SYCP1: variants seen among roughly 807,000 people sequenced by gnomAD.
The protein encoded by SYCP1 is synaptonemal complex protein 1.
Under a neutral mutation model 153.1 loss-of-function variants are expected in SYCP1, and 64 were observed. That is an observed-to-expected ratio of 0.42 (90% CI 0.34 to 0.51). The LOEUF (loss-of-function observed/expected upper bound fraction) is 0.51, where lower values mean the gene tolerates loss of function less well. Ranked by LOEUF, SYCP1 falls within the 20% of genes least tolerant of loss-of-function variation. The pLI, the probability that SYCP1 is intolerant of heterozygous loss-of-function variation, is 0.06. For missense variants in SYCP1, 997 were observed against 1,049.0 expected, an observed-to-expected ratio of 0.95 and a Z score of 0.68; for synonymous variants, 384 against 341.8, an observed-to-expected ratio of 1.12 and a Z score of -1.36.
At chr1:114,854,694 A>G (rs1663811833), upstream of SYCP1, 2 of 152,196 alleles carry the variant, frequency 1.3e-5, no homozygotes, top group South Asian at 2.1e-4. Flanking sequence ...CAGTTTCCCT[A>G]GCATTCTTTG....
intron 27 of SYCP1, among the ~76,000 whole-genome samples, chr1:114,969,442 A>G (rs1672338413): frequency 6.6e-6 from 1 of 152,122 alleles, no homozygotes; most frequent in Non-Finnish European, 1.5e-5. Context: ...TACACTGTGA[A>G]GGGAAAACCG....
intron 23 of SYCP1, among the ~76,000 whole-genome samples, chr1:114,934,717 A>C (rs889191293): frequency 6.6e-6 from 1 of 152,182 alleles, no homozygotes; most frequent in African/African-American, 2.4e-5. Flanking sequence ...AGAAAGATCT[A>C]CCAAGCAAAT....
At chr1:114,883,912 C>T (rs953529311) in intron 12 of SYCP1, among the ~76,000 whole-genome samples, 7 of 152,056 alleles carry the variant, frequency 4.6e-5, no homozygotes, top group Admixed American at 1.3e-4. Flanking sequence ...AGGATGGTCT[C>T]GAACTCCTGA....
chr1:114,973,409 A>G (rs1365458445), intron 27 of SYCP1, among the ~76,000 whole-genome samples: 2 of 152,010 alleles, frequency 1.3e-5, no homozygotes, highest in African/African-American at 4.8e-5. Flanking sequence ...TGCATTTTCT[A>G]GGCATCTTTT....
intron 23 of SYCP1, among the ~76,000 whole-genome samples, chr1:114,943,760 C>T (rs1165102291): frequency 6.6e-6 from 1 of 151,634 alleles, no homozygotes; most frequent in Non-Finnish European, 1.5e-5. Context: ...TACCCATAAC[C>T]CTCTTCCCAA....
chr1:114,956,658 T>G lies in SYCP1; in HGVS notation c.2322+9338T>G, dbSNP rs190220053. ...CTGAACTCAGGTCCCTGGTCAGCAT[T>G]CCCATACAGCTCTAGTACCCTCCTT... On this transcript the variant is annotated intron_variant, in intron 27 of 31. Coordinates refer to ENST00000369522, the MANE Select transcript of SYCP1 (RefSeq NM_003176.4). 2.6e-4 allele frequency among the ~76,000 whole-genome samples: 39 copies of G among 152,228 alleles called. No homozygotes were observed. The East Asian group carries it at 7.0e-3, about 27-fold the overall frequency.
rs1350624396 is a variant in SYCP1 at position 114,926,358 on chromosome 1, ATATT to A, written c.1863+19_1863+22del. ...AGCAGGAGGTATGTATTTTTTATAA[ATATT>A]CTCAAAATCAAACTGATATTTTCAC... is the stretch of plus-strand genomic sequence containing the variant. On this transcript the variant is annotated intron_variant, in intron 22 of 31. Transcript: ENST00000369522. 1 of 1,524,864 alleles carries A rather than the reference ATATT, an allele frequency of 6.6e-7. No homozygotes were observed. The highest frequency in any genetic ancestry group is 8.8e-7 in the Non-Finnish European group (1 of 1,134,902). The allele number at this position is 1,524,864 out of a possible 1,614,324, so 94.5% of individuals were successfully genotyped here.
chr1:114,922,235 T>G (rs1668941872), intron 20 of SYCP1, among the ~76,000 whole-genome samples: 1 of 152,164 alleles, frequency 6.6e-6, no homozygotes, highest in South Asian at 2.1e-4. Context: ...TATCTCTGTC[T>G]CTACCTCCTC....
Position 114,977,565 on chromosome 1 carries a change from C to G in SYCP1, c.2331C>G (p.Leu777=). The G allele has an allele frequency of 3.4e-6, 5 of 1,474,946 alleles. No individual in the cohort carries two copies. Among genetic ancestry groups the G allele is most frequent in the Non-Finnish European group, 2.7e-6 (3 of 1,102,536 alleles). The allele number at this position is 1,474,946 out of a possible 1,614,324, so 91.4% of individuals were successfully genotyped here. The change falls in exon 28 of 32, where the codon CTC becomes CTG. Residue 777 remains leucine (L), a synonymous_variant. Transcript: ENST00000369522. ...LEIEREEKEK[L]KREAKENTAT... is the part of the protein sequence containing the mutation. ...ATATTTATTTTTAATAGGAAAAACT[C>G]AAAAGAGAGGCAAAAGAAAACACAG...
chr1:114,926,162 C>A, intron 21 of SYCP1, 116 bp from the exon 22 acceptor site: 3 of 695,588 alleles, frequency 4.3e-6, no homozygotes, highest in East Asian at 4.2e-5. Flanking sequence ...AATGGAATTA[C>A]CATGATTTTG....
At position 114,977,628 on chromosome 1, in the gene SYCP1, T is replaced by G; in HGVS notation, c.2382+12T>G. 1 of 1,458,512 alleles carries G rather than the reference T, an allele frequency of 6.9e-7. No homozygotes were observed. The highest frequency in any genetic ancestry group is 9.2e-7 in the Non-Finnish European group (1 of 1,084,998). 90.3% of individuals were successfully genotyped at this position (1,458,512 alleles called of 1,614,324 possible). On this transcript the variant is annotated intron_variant, in intron 28 of 31. Transcript: ENST00000369522. Reference sequence around the variant, plus strand: ...AAAAAAAAGACAAGGTAAGAGCATATAATTCTCATAGTTTTAAAATACCAA... The same window carrying G: ...AAAAAAAAGACAAGGTAAGAGCATAGAATTCTCATAGTTTTAAAATACCAA...
chr1:114,956,421 C>T (rs1307553067), intron 27 of SYCP1, among the ~76,000 whole-genome samples: 5 of 152,170 alleles, frequency 3.3e-5, no homozygotes, highest in Non-Finnish European at 7.4e-5. Context: ...GTCCATCCTG[C>T]TACACTTAGG....
intron 16 of SYCP1, chr1:114,910,165 T>C (rs926626701): frequency 3.6e-6 from 1 of 275,550 alleles, no homozygotes; most frequent in African/African-American, 2.3e-5. Context: ...TGATGAGAAA[T>C]TAATCATCTG....
intron 9 of SYCP1, 34 bp from the exon 10 acceptor site, chr1:114,876,035 A>T: frequency 6.9e-7 from 1 of 1,447,456 alleles, no homozygotes; most frequent in Non-Finnish European, 9.3e-7. Flanking sequence ...ATTTAAAAAA[A>T]TTTAAGTATG....
chr1:114,900,286 CA>C (rs1252373030), intron 16 of SYCP1, among the ~76,000 whole-genome samples: 2 of 152,074 alleles, frequency 1.3e-5, no homozygotes, highest in South Asian at 2.1e-4. Flanking sequence ...CTTCTTATAA[CA>C]TTTTTTTTTT....
intron 30 of SYCP1, among the ~76,000 whole-genome samples, chr1:114,991,893 A>G (rs895244838): frequency 2.0e-5 from 3 of 151,858 alleles, no homozygotes; most frequent in Non-Finnish European, 4.4e-5. Flanking sequence ...GATCTTATGC[A>G]TAGAAAATTG....
chr1:114,967,334 C>T (rs1405448624), intron 27 of SYCP1, among the ~76,000 whole-genome samples: 3 of 152,146 alleles, frequency 2.0e-5, no homozygotes, highest in Admixed American at 6.5e-5. Context: ...TCTCTTAAAA[C>T]TTGCTTTATG....
chr1:114,944,308 T>G (rs762170947), intron 23 of SYCP1, 31 bp from the exon 24 acceptor site: 5 of 1,191,982 alleles, frequency 4.2e-6, no homozygotes, highest in Non-Finnish European at 6.1e-6. Flanking sequence ...TAGCATTTAC[T>G]AATATTCATG....
At chr1:114,885,009 T>A (rs1666197605) in intron 12 of SYCP1, among the ~76,000 whole-genome samples, 1 of 152,052 alleles carries the variant, frequency 6.6e-6, no homozygotes, top group Non-Finnish European at 1.5e-5. Context: ...TAGAGTATTT[T>A]GAAAAATAAA....
Sources: allele counts gnomAD v4.1 joint callset (sites outside exome capture counted in the v4.1 genomes callset), GRCh38; gene constraint gnomAD v4.1.1; transcripts MANE v1.5; gene names NCBI Gene and HGNC (gene_info 2026-07-23, HGNC 2026-07-21).